The following TRAPPC11 variants were observed in gnomAD, a reference collection of about 807,000 sequenced individuals.
The protein encoded by TRAPPC11 is foie gras homolog.
A neutral mutation model predicts 151.2 loss-of-function variants in TRAPPC11; 104 were observed. The ratio of observed to expected loss-of-function variants is 0.69; its 90% CI spans 0.59 to 0.81. TRAPPC11 has a LOEUF of 0.81. TRAPPC11 is among the 30% of genes least tolerant of loss of function. The pLI is 0.00. For synonymous variants in TRAPPC11, 456 were observed against 472.3 expected (o/e 0.97, Z 0.45); for missense variants, 1,230 against 1,349.6 (o/e 0.91, Z 1.39).
chr4:183,669,027 G>A (rs1735018331), intron 5 of TRAPPC11, among the ~76,000 whole-genome samples: 1 of 152,118 alleles, frequency 6.6e-6, no homozygotes, highest in Non-Finnish European at 1.5e-5. Context: ...CCTTCTCACT[G>A]GTATATAAAA....
chr4:183,696,061 C>A (rs1736521058), intron 23 of TRAPPC11, among the ~76,000 whole-genome samples: 1 of 152,086 alleles, frequency 6.6e-6, no homozygotes, highest in East Asian at 1.9e-4. Flanking sequence ...TTTTTGAGTG[C>A]CAGCATGACA....
chr4:183,701,659 A>C (rs761285489), intron 25 of TRAPPC11, 38 bp from the exon 26 acceptor site: 1 of 1,393,344 alleles, frequency 7.2e-7, no homozygotes, highest in Non-Finnish European at 1.0e-6. Context: ...TTGTAGATGA[A>C]ACCATTGCAT....
chr4:183,673,910 A>G (rs1197145055), intron 5 of TRAPPC11, among the ~76,000 whole-genome samples: 1 of 152,138 alleles, frequency 6.6e-6, no homozygotes, highest in Non-Finnish European at 1.5e-5. Context: ...TAAGTTATAG[A>G]ATGATGGAGG....
rs760824234 is a variant in TRAPPC11, at chr4:183,680,132, T to C, written c.978T>C (p.Phe326=). ...DAWMSKQFQA[F]GDLFDEAIKL... ...TCTTTTCTTTAAGATTCCAGGCCTT[T>C]GGAGATTTATTTGATGAAGCTATTA... Residue 326 remains phenylalanine, a synonymous_variant, in exon 10 of 30, where the codon TTT becomes TTC. Transcript: ENST00000334690. 1.9e-6 allele frequency: 3 copies of C among 1,612,570 alleles called. No homozygotes were observed. Among genetic ancestry groups the C allele is most frequent in the Non-Finnish European group, 2.5e-6 (3 of 1,179,440 alleles).
intron 17 of TRAPPC11, among the ~76,000 whole-genome samples, chr4:183,685,876 C>G (rs911205918): frequency 2.6e-5 from 4 of 152,114 alleles, no homozygotes; most frequent in African/African-American, 9.7e-5. Context: ...CTCTGCCACC[C>G]AGGCTGGAGT....
Position 183,665,091 on chromosome 4 carries a change from C to CTTT in TRAPPC11, c.204+1039_204+1041dup, listed in dbSNP as rs66913932. On this transcript the variant is annotated intron_variant, in intron 2 of 29. Transcript: ENST00000334690. ...TCACACGATTATTTTTCTTTTCTTTCTTTTTTTTTTTTTTTTTTTTTGAGA... is the reference window on the plus strand; with the variant it reads ...TCACACGATTATTTTTCTTTTCTTTCTTTTTTTTTTTTTTTTTTTTTTTTGAGA... 4.9e-3 allele frequency among the ~76,000 whole-genome samples: 524 copies of CTTT among 106,370 alleles called. 6 individuals are homozygous for CTTT. The highest frequency in any genetic ancestry group is 1.0e-2 in the African/African-American group (273 of 27,396). The allele number at this position is 106,370 out of a possible 152,430, so 69.8% of individuals were successfully genotyped here.
intron 5 of TRAPPC11, among the ~76,000 whole-genome samples, chr4:183,670,825 G>T (rs137978296): frequency 0.022 from 3,405 of 151,626 alleles, 132 homozygotes; most frequent in African/African-American, 0.078. Context: ...TCACTCTGTC[G>T]CCCAGGCTGG....
rs758311442 is a variant in TRAPPC11 at position 183,686,658 on chromosome 4, T to C, written c.1803T>C (p.Val601=). The C allele has an allele frequency of 2.5e-6, 4 of 1,614,048 alleles. No homozygotes were observed. In the Admixed American group the frequency reaches 6.7e-5, roughly 27 times the overall value. ...AGTTTCATGCCCCAAGTTTTCATGTTGATGTTCCTGTTCAGTTTGATATTT... is the reference window on the plus strand; with the variant it reads ...AGTTTCATGCCCCAAGTTTTCATGTCGATGTTCCTGTTCAGTTTGATATTT... ...KAKFHAPSFH[V]DVPVQFDIYL... is the part of the protein sequence containing the mutation. Residue 601 remains valine, a synonymous_variant, in exon 18 of 30, where the codon GTT becomes GTC. Coordinates refer to ENST00000334690, the MANE Select transcript of TRAPPC11 (RefSeq NM_021942.6).
Position 183,668,085 on chromosome 4 carries a change from G to A in TRAPPC11, c.528G>A (p.Pro176=), listed in dbSNP as rs766450086. 2.8e-5 allele frequency: 45 copies of A among 1,611,814 alleles called. No homozygotes were observed. The highest frequency in any genetic ancestry group is 4.5e-5 in the East Asian group (2 of 44,878). The change falls in exon 5 of 30, where the codon CCG becomes CCA. Residue 176 remains proline, a synonymous_variant. Coordinates refer to ENST00000334690, the MANE Select transcript of TRAPPC11 (RefSeq NM_021942.6). ...CAGGAAAGTCTTTGTTTGTACTGCC[G>A]CACACTGACCACCTTGTGGGTTATA... ...ELSGKSLFVL[P]HTDHLVGYII...
intron 28 of TRAPPC11, among the ~76,000 whole-genome samples, chr4:183,707,571 G>A (rs1737137337): frequency 6.6e-6 from 1 of 152,074 alleles, no homozygotes; most frequent in Non-Finnish European, 1.5e-5. Context: ...TCCAAAGTCA[G>A]GAAATACTTT....
At chr4:183,701,071 C>A (rs78127126) in intron 25 of TRAPPC11, 2,934 of 152,464 alleles carry the variant, frequency 0.019, 60 homozygotes, top group East Asian at 0.062. Flanking sequence ...GAGTCTCAAA[C>A]TCCTGGAGCT....
At position 183,691,338 on chromosome 4, in the gene TRAPPC11, TAGA is replaced by T; in HGVS notation, c.1922_1924del (p.Glu641del). 1 of 1,553,622 alleles carries T rather than the reference TAGA, an allele frequency of 6.4e-7. No homozygotes were observed. Among genetic ancestry groups the T allele is most frequent in the Non-Finnish European group, 8.8e-7 (1 of 1,142,740 alleles). On this transcript the variant is annotated inframe_deletion, in exon 19 of 30. Coordinates refer to ENST00000334690, the MANE Select transcript of TRAPPC11 (RefSeq NM_021942.6). ...CAGGAATACAACCAGTTCTGTGTAA[TAGA>T]AGAAGCATCCAAAGCAAATGAAGTT...
At chr4:183,689,785 T>C (rs1247182164) in intron 18 of TRAPPC11, among the ~76,000 whole-genome samples, 4 of 76,722 alleles carry the variant, frequency 5.2e-5, no homozygotes, top group Admixed American at 1.4e-4. Context: ...TCATTTCTTT[T>C]CTTTCCTTTT....
At position 183,713,365 on chromosome 4, in the gene TRAPPC11, G is replaced by C. The variant is rs1443091259; in HGVS notation, c.*721G>C. 2 of 152,628 alleles carry C rather than the reference G, an allele frequency of 1.3e-5. No individual in the cohort carries two copies. Among genetic ancestry groups the C allele is most frequent in the Non-Finnish European group, 2.9e-5 (2 of 68,036 alleles). The allele number at this position is 152,628 out of a possible 1,614,324, so 9.5% of individuals were successfully genotyped here. A position where few individuals can be genotyped will look rare whatever the true frequency, so the allele number is the denominator to read the frequency against. On this transcript the variant is annotated 3_prime_UTR_variant, in exon 30 of 30. Transcript: ENST00000334690. ...TCCTAGACTGAAAGTTTTTGGAAAA[G>C]ATGCAGGGTCTGAGTCAGGCCTTCT...
In TRAPPC11 at chr4:183,693,130, A is replaced by G. The variant is rs2111065473; in HGVS notation, c.2220A>G (p.Ile740Met). 1 of 1,605,052 alleles carries G rather than the reference A, an allele frequency of 6.2e-7. No homozygotes were observed. Among genetic ancestry groups the G allele is most frequent in the Non-Finnish European group, 8.5e-7 (1 of 1,174,208 alleles). ...ATGAAGTTCACTGGGACAGCATTAT[A>G]ATTCAGGCAAGCACAATGTAAGTCT... ...PDNEVHWDSI[I>M]IQASTMIISR... The change falls in exon 20 of 30, where the codon ATA becomes ATG. Residue 740 changes from isoleucine to methionine, a missense_variant. Coordinates refer to ENST00000334690, the MANE Select transcript of TRAPPC11 (RefSeq NM_021942.6).
intron 3 of TRAPPC11, 92 bp from the exon 4 acceptor site, chr4:183,666,968 C>G (rs4282227): frequency 3.9e-6 from 4 of 1,034,066 alleles, no homozygotes; most frequent in Non-Finnish European, 4.1e-6. Flanking sequence ...AATTTATCTT[C>G]GGTTGAATGA....
Position 183,705,015 on chromosome 4 carries a change from T to C in TRAPPC11, c.3000T>C (p.Thr1000=). 1 of 1,602,204 alleles carries C rather than the reference T, an allele frequency of 6.2e-7. No individual in the cohort carries two copies. Among genetic ancestry groups the C allele is most frequent in the South Asian group, 1.1e-5 (1 of 89,482 alleles). ...SAMENIPIIT[T]VITLPHVIVE... is the part of the protein sequence containing the mutation. ...TGGAGAATATCCCCATCATCACAAC[T>C]GTCATCACTCTGCCGCACGTGATTG... Residue 1000 remains threonine (T), a synonymous_variant, in exon 27 of 30, where the codon ACT becomes ACC. Transcript: ENST00000334690.
chr4:183,708,993 GT>G (rs112787416), intron 29 of TRAPPC11, among the ~76,000 whole-genome samples: 11 of 149,384 alleles, frequency 7.4e-5, no homozygotes, highest in Admixed American at 1.3e-4. Context: ...CTGATTTAAT[GT>G]TTTTTTTTTA....
intron 29 of TRAPPC11, among the ~76,000 whole-genome samples, chr4:183,710,530 C>G (rs1358078050): frequency 1.3e-5 from 2 of 151,494 alleles, no homozygotes; most frequent in African/African-American, 4.8e-5. Context: ...TCGTGATCCT[C>G]CCGCCTCGGC....
Sources: allele counts gnomAD v4.1 joint callset (sites outside exome capture counted in the v4.1 genomes callset), GRCh38; gene constraint gnomAD v4.1.1; transcripts MANE v1.5; gene names NCBI Gene and HGNC (gene_info 2026-07-23, HGNC 2026-07-21).